ROBO2: variants seen among roughly 807,000 people sequenced by gnomAD.
ROBO2 encodes the protein roundabout guidance receptor 2.
A neutral mutation model predicts 160.8 loss-of-function variants in ROBO2; 53 were observed. That is an observed-to-expected ratio of 0.33 (90% confidence interval 0.26 to 0.41). The LOEUF (loss-of-function observed/expected upper bound fraction) is 0.41. ROBO2 is among the 10% of genes least tolerant of loss of function. The pLI is 1.00. For synonymous variants in ROBO2, 664 were observed against 611.7 expected, an observed-to-expected ratio of 1.09 and a Z score of -1.26; for missense variants, 1,577 against 1,722.4, an observed-to-expected ratio of 0.92 and a Z score of 1.49.
intron 2 of ROBO2, among the ~76,000 whole-genome samples, chr3:77,318,246 C>T (rs2064279061): frequency 6.6e-6 from 1 of 151,988 alleles, no homozygotes; most frequent in African/African-American, 2.4e-5. Flanking sequence ...GTTGGCCCGG[C>T]TGGTCTTGAA....
chr3:77,564,876 C>T, intron 11 of ROBO2, 78 bp from the exon 13 acceptor site: 3 of 1,280,852 alleles, frequency 2.3e-6, no homozygotes, highest in Admixed American at 2.0e-5. Context: ...CAGCCATTAA[C>T]CTTTGTCATT....
chr3:77,379,511 G>A (rs773401027), intron 2 of ROBO2, among the ~76,000 whole-genome samples: 3 of 151,920 alleles, frequency 2.0e-5, no homozygotes, highest in South Asian at 2.1e-4. Flanking sequence ...AACTTAATAC[G>A]TCAGTAGCTG....
chr3:77,301,656 A>C (rs1181720158), intron 2 of ROBO2, among the ~76,000 whole-genome samples: 3 of 152,206 alleles, frequency 2.0e-5, no homozygotes, highest in Non-Finnish European at 4.4e-5. Flanking sequence ...AGGCATAAAC[A>C]CTCCACTGAA....
chr3:75,931,135 T>C (rs192594033), intron 1 of ROBO2, among the ~76,000 whole-genome samples: 1 of 152,352 alleles, frequency 6.6e-6, no homozygotes, highest in Non-Finnish European at 1.5e-5. Flanking sequence ...TCCAGATTCC[T>C]ACTTTTCAGT....
chr3:76,577,476 C>G (rs2085381257), intron 2 of ROBO2, among the ~76,000 whole-genome samples: 1 of 152,032 alleles, frequency 6.6e-6, no homozygotes, highest in African/African-American at 2.4e-5. Context: ...ATTGTTTACA[C>G]CATCCTAGCA....
chr3:76,210,262 T>C (rs935491641), intron 2 of ROBO2, among the ~76,000 whole-genome samples: 1 of 152,134 alleles, frequency 6.6e-6, no homozygotes, highest in African/African-American at 2.4e-5. Context: ...GAATCTTGTA[T>C]TTGACCCTTT....
At chr3:76,849,853 C>A (rs946586141) in intron 2 of ROBO2, among the ~76,000 whole-genome samples, 1 of 152,158 alleles carries the variant, frequency 6.6e-6, no homozygotes, top group Non-Finnish European at 1.5e-5. Context: ...ATTTAGAAAT[C>A]ACTTATTCTG....
At chr3:77,315,279 A>G (rs1403941419) in intron 2 of ROBO2, among the ~76,000 whole-genome samples, 1 of 152,226 alleles carries the variant, frequency 6.6e-6, no homozygotes, top group African/African-American at 2.4e-5. Context: ...ACAATTTTAA[A>G]TGGAAATTAA....
intron 2 of ROBO2, among the ~76,000 whole-genome samples, chr3:77,238,639 T>G (rs1489822786): frequency 1.3e-5 from 2 of 152,208 alleles, no homozygotes; most frequent in East Asian, 3.8e-4. Flanking sequence ...TTAAATCTAA[T>G]TTTCTTTTTT....
intron 2 of ROBO2, among the ~76,000 whole-genome samples, chr3:76,773,779 C>T (rs561234122): frequency 6.7e-5 from 10 of 150,092 alleles, no homozygotes; most frequent in African/African-American, 1.9e-4. Context: ...AGATATCTTA[C>T]GAGCAATCAA....
chr3:76,900,362 G>A (rs914414019), intron 2 of ROBO2, among the ~76,000 whole-genome samples: 1 of 152,140 alleles, frequency 6.6e-6, no homozygotes, highest in Non-Finnish European at 1.5e-5. Context: ...CTAAGCTTAG[G>A]TTGGTTGGAG....
intron 2 of ROBO2, among the ~76,000 whole-genome samples, chr3:76,946,797 T>C (rs2078576500): frequency 6.6e-6 from 1 of 152,182 alleles, no homozygotes; most frequent in South Asian, 2.1e-4. Flanking sequence ...TTCAATTTCC[T>C]CAATTTAGGG....
At chr3:76,431,051 C>T (rs2086138961) in intron 2 of ROBO2, among the ~76,000 whole-genome samples, 1 of 151,952 alleles carries the variant, frequency 6.6e-6, no homozygotes, top group Non-Finnish European at 1.5e-5. Flanking sequence ...GGGTTTTGTT[C>T]ATTAAATAAC....
chr3:77,457,584 T>C (rs1349111652), intron 2 of ROBO2, among the ~76,000 whole-genome samples: 2 of 152,266 alleles, frequency 1.3e-5, no homozygotes, highest in Non-Finnish European at 2.9e-5. Flanking sequence ...TCTCTGCCCT[T>C]GCTTCCCATA....
At chr3:77,536,657 A>G (rs2092126304) in intron 6 of ROBO2, among the ~76,000 whole-genome samples, 3 of 152,194 alleles carry the variant, frequency 2.0e-5, no homozygotes, top group Admixed American at 6.6e-5. Flanking sequence ...TCCACAGGAC[A>G]GAGATCTTAG....
At chr3:75,970,201 G>T (rs2107351164) in intron 2 of ROBO2, among the ~76,000 whole-genome samples, 1 of 151,536 alleles carries the variant, frequency 6.6e-6, no homozygotes, top group East Asian at 2.0e-4. Flanking sequence ...AAGTGCAACA[G>T]AAAATGCACC....
chr3:76,445,898 TAAG>T (rs2077157198), intron 2 of ROBO2, among the ~76,000 whole-genome samples: 1 of 152,082 alleles, frequency 6.6e-6, no homozygotes, highest in African/African-American at 2.4e-5. Context: ...CTCAAAATAA[TAAG>T]AGCTATTTAT....
chr3:76,820,970 T>C (rs2066071698), intron 2 of ROBO2, among the ~76,000 whole-genome samples: 1 of 151,948 alleles, frequency 6.6e-6, no homozygotes, highest in South Asian at 2.1e-4. Context: ...ATGTTTGACT[T>C]AAAAAAATCA....
chr3:76,907,039 G>A (rs1184475738), intron 2 of ROBO2, among the ~76,000 whole-genome samples: 3 of 151,704 alleles, frequency 2.0e-5, no homozygotes. Flanking sequence ...TTTTTTATTT[G>A]TTTGTTTGTC....
Sources: gnomAD v4.1 joint callset for allele counts (sites outside exome capture counted in the v4.1 genomes callset) on GRCh38, gnomAD v4.1.1 for gene constraint, MANE v1.5 for transcripts, NCBI Gene and HGNC (gene_info 2026-07-23, HGNC 2026-07-21) for gene names.